ASTN1: variants seen among roughly 807,000 people sequenced by gnomAD.
The protein encoded by ASTN1 is astrotactin 1.
Under a neutral mutation model 140.7 loss-of-function variants are expected in ASTN1, and 41 were observed. That is an observed-to-expected ratio of 0.29 (90% CI 0.23 to 0.38). ASTN1 has a LOEUF of 0.38. Ranked by LOEUF, ASTN1 falls within the 10% of genes least tolerant of loss-of-function variation. ASTN1 has a pLI of 1.00. For synonymous variants in ASTN1, 640 were observed against 652.2 expected, an observed-to-expected ratio of 0.98 and a Z score of 0.29; for missense variants, 1,479 against 1,678.8, an observed-to-expected ratio of 0.88 and a Z score of 2.08.
intron 1 of ASTN1, among the ~76,000 whole-genome samples, chr1:177,149,383 A>AATATATATAGTATATATAGTAAAT (rs1682901043): frequency 1.5e-5 from 1 of 66,966 alleles, no homozygotes; most frequent in Non-Finnish European, 2.2e-5. Flanking sequence ...ATATATAGTA[A>AATATATATAGTATATATAGTAAAT]ATATATATAG....
intron 4 of ASTN1, among the ~76,000 whole-genome samples, chr1:177,030,283 T>C (rs1304430972): frequency 6.6e-6 from 1 of 152,252 alleles, no homozygotes; most frequent in Admixed American, 6.5e-5. Flanking sequence ...TGGCTTTTAC[T>C]GACACAGAAA....
chr1:176,910,044 T>TACAACA, intron 16 of ASTN1, among the ~76,000 whole-genome samples: 1 of 152,068 alleles, frequency 6.6e-6, no homozygotes, highest in African/African-American at 2.4e-5. Context: ...CATGCAACCA[T>TACAACA]CCCCCAACAA....
intron 12 of ASTN1, among the ~76,000 whole-genome samples, chr1:176,947,880 A>G (rs1445423751): frequency 6.6e-6 from 1 of 152,192 alleles, no homozygotes; most frequent in Non-Finnish European, 1.5e-5. Flanking sequence ...GTAGGTGCTC[A>G]AATATATGTT....
chr1:176,858,686 A>G (rs1667879895), downstream of ASTN1, among the ~76,000 whole-genome samples: 1 of 152,238 alleles, frequency 6.6e-6, no homozygotes, highest in African/African-American at 2.4e-5. Flanking sequence ...CAATCTGCTC[A>G]GCTTGTGAAG....
intron 8 of ASTN1, among the ~76,000 whole-genome samples, chr1:177,000,448 T>C (rs925917459): frequency 1.3e-5 from 2 of 152,164 alleles, no homozygotes; most frequent in African/African-American, 4.8e-5. Context: ...ATCTAAAGAA[T>C]AGTTGAAGGA....
intron 2 of ASTN1, among the ~76,000 whole-genome samples, chr1:177,054,091 G>C (rs1280796832): frequency 6.6e-6 from 1 of 152,140 alleles, no homozygotes; most frequent in Non-Finnish European, 1.5e-5. Flanking sequence ...GTCAGGAGAG[G>C]AGTGCTTCTC....
intron 1 of ASTN1, among the ~76,000 whole-genome samples, chr1:177,110,399 G>A (rs986234947): frequency 1.3e-5 from 2 of 152,216 alleles, no homozygotes; most frequent in African/African-American, 4.8e-5. Flanking sequence ...TTTGGCTGGA[G>A]TGTCTAACAT....
At chr1:176,887,894 C>T (rs1306295328) in intron 18 of ASTN1, among the ~76,000 whole-genome samples, 177 bp downstream of exon 18, 1 of 152,166 alleles carries the variant, frequency 6.6e-6, no homozygotes, top group South Asian at 2.1e-4. Context: ...ACTTGTCACA[C>T]CCTTTCTCTA....
chr1:176,874,184 A>T (rs1394183440), intron 21 of ASTN1, among the ~76,000 whole-genome samples: 1 of 152,210 alleles, frequency 6.6e-6, no homozygotes, highest in African/African-American at 2.4e-5. Flanking sequence ...TTAGAGGAAG[A>T]AATCAGCAGA....
chr1:176,905,765 C>T (rs1255911504), intron 16 of ASTN1, among the ~76,000 whole-genome samples: 1 of 152,178 alleles, frequency 6.6e-6, no homozygotes, highest in African/African-American at 2.4e-5. Context: ...TCTCGGTGAC[C>T]TGTGCCCTCT....
At chr1:176,916,495 C>T (rs945516849) in intron 16 of ASTN1, among the ~76,000 whole-genome samples, 8 of 152,136 alleles carry the variant, frequency 5.3e-5, no homozygotes, top group Admixed American at 5.2e-4. Flanking sequence ...TGAGGGGGGT[C>T]CCCGCAGAGC....
chr1:177,130,698 C>G (rs1169084100), intron 1 of ASTN1, among the ~76,000 whole-genome samples: 1 of 152,134 alleles, frequency 6.6e-6, no homozygotes, highest in East Asian at 1.9e-4. Context: ...ATCAGGGACT[C>G]CAGCTTGTTA....
intron 15 of ASTN1, chr1:176,935,984 C>G: frequency 2.1e-6 from 1 of 480,516 alleles, no homozygotes; most frequent in Non-Finnish European, 3.8e-6. Flanking sequence ...TCTCCACATA[C>G]TGGATGAGCC....
chr1:176,961,924 C>T (rs966398160), intron 9 of ASTN1, among the ~76,000 whole-genome samples: 3 of 152,182 alleles, frequency 2.0e-5, no homozygotes, highest in African/African-American at 7.2e-5. Context: ...GTCCTGCACA[C>T]AGCCCTGTGT....
chr1:176,889,805 G>T (rs1669187878), intron 17 of ASTN1, among the ~76,000 whole-genome samples: 1 of 152,210 alleles, frequency 6.6e-6, no homozygotes, highest in African/African-American at 2.4e-5. Context: ...GAGGTGACTT[G>T]CCCAGGGTCA....
intron 20 of ASTN1, among the ~76,000 whole-genome samples, chr1:176,879,838 C>A (rs1399029852): frequency 6.6e-6 from 1 of 152,210 alleles, no homozygotes; most frequent in Non-Finnish European, 1.5e-5. Flanking sequence ...ACCTAAGGGC[C>A]ATTCCTCAGT....
intron 1 of ASTN1, among the ~76,000 whole-genome samples, chr1:177,082,555 T>C (rs1380613822): frequency 1.3e-5 from 2 of 152,156 alleles, no homozygotes; most frequent in Non-Finnish European, 2.9e-5. Flanking sequence ...CATGGAGACT[T>C]TGCAGAAGAA....
intron 1 of ASTN1, among the ~76,000 whole-genome samples, chr1:177,108,363 A>AG (rs1375999969): frequency 1.3e-5 from 2 of 151,496 alleles, no homozygotes; most frequent in Admixed American, 1.3e-4. Flanking sequence ...AAAAAAAAAA[A>AG]AAAGAAAAGA....
chr1:176,876,478 C>T, intron 21 of ASTN1, 59 bp downstream of exon 21: 1 of 1,560,012 alleles, frequency 6.4e-7, no homozygotes. Context: ...GTCCTCATAG[C>T]AAGTGGTGGG....
Sources: allele counts gnomAD v4.1 joint callset (sites outside exome capture counted in the v4.1 genomes callset), GRCh38; gene constraint gnomAD v4.1.1; transcripts MANE v1.5; gene names NCBI Gene and HGNC (gene_info 2026-07-23, HGNC 2026-07-21).